The following CDH4 variants were observed in gnomAD, a reference collection of about 807,000 sequenced individuals.
CDH4 encodes cadherin-4.
In CDH4, 33 loss-of-function variants were observed where a neutral mutation model predicts 86.0. The ratio of observed to expected loss-of-function variants is 0.38; its 90% confidence interval spans 0.29 to 0.51. The LOEUF (loss-of-function observed/expected upper bound fraction) is 0.51, where lower values mean the gene tolerates loss of function less well. CDH4 is among the 20% of genes least tolerant of loss of function. The pLI is 0.86. For missense variants in CDH4, 1,114 were observed against 1,307.4 expected (o/e 0.85, Z 2.28); for synonymous variants, 555 against 549.4 (o/e 1.01, Z -0.14).
chr20:61,861,704 C>T (rs1037836594), intron 6 of CDH4, among the ~76,000 whole-genome samples: 8 of 152,208 alleles, frequency 5.3e-5, no homozygotes, highest in Non-Finnish European at 8.8e-5. Flanking sequence ...TCAGTTCTCA[C>T]CACGTTGTCA....
chr20:61,922,128 A>G (rs1776230), intron 9 of CDH4, among the ~76,000 whole-genome samples: 140,936 of 152,236 alleles, frequency 0.93, 65,521 homozygotes, highest in East Asian at 1. Flanking sequence ...TGTTTGGGTC[A>G]TTTCCAGCAT....
intron 2 of CDH4, among the ~76,000 whole-genome samples, chr20:61,301,248 C>G (rs554640178): frequency 6.6e-6 from 1 of 152,352 alleles, no homozygotes; most frequent in South Asian, 2.1e-4. Flanking sequence ...GCGGTAAATG[C>G]CTGAGGGCTG....
intron 15 of CDH4, 30 bp from the exon 16 acceptor site, chr20:61,936,707 G>A (rs768560058): frequency 1.5e-5 from 22 of 1,485,642 alleles, no homozygotes; most frequent in East Asian, 2.6e-5. Flanking sequence ...AACGCGTCCT[G>A]CACCCTAACT....
At chr20:61,808,099 G>A (rs560983069) in intron 4 of CDH4, among the ~76,000 whole-genome samples, 1 of 152,156 alleles carries the variant, frequency 6.6e-6, no homozygotes, top group Admixed American at 6.5e-5. Context: ...GAAGCAGCAT[G>A]GAAATAAATC....
At chr20:61,431,344 CTCTT>C (rs1426103677) in intron 2 of CDH4, among the ~76,000 whole-genome samples, 4 of 145,808 alleles carry the variant, frequency 2.7e-5, no homozygotes, top group African/African-American at 1.1e-4. Context: ...CAAAATTACT[CTCTT>C]TTTTTTGTTG....
chr20:61,685,133 G>A lies in CDH4; in HGVS notation c.170-58430G>A, dbSNP rs539658311. Among the ~76,000 whole-genome samples the A allele has an allele frequency of 1.4e-4, 22 of 152,228 alleles. No homozygotes were observed. The South Asian group carries it at 3.7e-3, about 26-fold the overall frequency. ...CCACAAATACACCTTCTGTCTTTCC[G>A]TCTCTAGATGTGTCTAGTCTGGGTA... On this transcript the variant is annotated intron_variant, in intron 2 of 15. Transcript: ENST00000614565.
At chr20:61,908,250 T>C (rs2054812767) in intron 8 of CDH4, among the ~76,000 whole-genome samples, 1 of 152,226 alleles carries the variant, frequency 6.6e-6, no homozygotes, top group East Asian at 1.9e-4. Context: ...TTAGGAATGC[T>C]GACTCGGCTC....
At chr20:61,418,481 G>T (rs1042706076) in intron 2 of CDH4, among the ~76,000 whole-genome samples, 3 of 152,108 alleles carry the variant, frequency 2.0e-5, no homozygotes, top group Non-Finnish European at 4.4e-5. Context: ...AAAGTGCTGG[G>T]ATTACAGGCT....
intron 2 of CDH4, chr20:61,570,592 G>T (rs559312664): frequency 9.9e-5 from 69 of 695,194 alleles, no homozygotes; most frequent in Non-Finnish European, 1.8e-4. Flanking sequence ...CCATTGCTCT[G>T]CCCTTTAAAG....
At chr20:61,270,413 T>C (rs1461862388) in intron 2 of CDH4, among the ~76,000 whole-genome samples, 2 of 152,240 alleles carry the variant, frequency 1.3e-5, no homozygotes, top group African/African-American at 4.8e-5. Context: ...GTTCTTATAT[T>C]TTAAGATAAA....
At chr20:61,504,703 A>G (rs1275261941) in intron 2 of CDH4, among the ~76,000 whole-genome samples, 3 of 152,226 alleles carry the variant, frequency 2.0e-5, no homozygotes, top group Non-Finnish European at 4.4e-5. Context: ...TTGCAGTGAC[A>G]GCGTCTTTGC....
Position 61,566,875 on chromosome 20 carries a change from G to A in CDH4, c.170-176688G>A, listed in dbSNP as rs75502618. On this transcript the variant is annotated intron_variant, in intron 2 of 15. Coordinates refer to ENST00000614565, the MANE Select transcript of CDH4 (RefSeq NM_001794.5). ...GGGTTTGCGCGGGAGGCTGCCGATG[G>A]CACGCGGCTCACAGATAATGCGGGA... is the stretch of plus-strand genomic sequence containing the variant. Among the ~76,000 whole-genome samples the A allele has an allele frequency of 7.3e-3, 1,114 of 152,174 alleles. 6 individuals carry two copies. Among genetic ancestry groups the A allele is most frequent in the South Asian group, 0.012 (57 of 4,810 alleles).
chr20:61,444,615 C>T (rs2085336328), intron 2 of CDH4, among the ~76,000 whole-genome samples: 1 of 142,996 alleles, frequency 7.0e-6, no homozygotes, highest in Non-Finnish European at 1.5e-5. Context: ...GTGTGTTTCT[C>T]TGTGTGTGTG....
chr20:61,903,540 T>TTAAAAAAAAA (rs386394189), intron 8 of CDH4, among the ~76,000 whole-genome samples: 1 of 90,886 alleles, frequency 1.1e-5, no homozygotes, highest in African/African-American at 4.7e-5. Flanking sequence ...AGAGACTCCA[T>TTAAAAAAAAA]AAAAAAAAAA....
intron 2 of CDH4, among the ~76,000 whole-genome samples, chr20:61,671,574 GTGGATGGATGATGAACGGGTGGA>G (rs1004816334): frequency 2.6e-5 from 4 of 152,170 alleles, no homozygotes; most frequent in Middle Eastern, 3.4e-3. Context: ...TGATAGGTTT[GTGGATGGATGATGAACGGGTGGA>G]TGGATGGATG....
At chr20:61,530,620 C>A (rs1292700196) in intron 2 of CDH4, among the ~76,000 whole-genome samples, 1 of 152,060 alleles carries the variant, frequency 6.6e-6, no homozygotes, top group Non-Finnish European at 1.5e-5. Context: ...GTCGCAGAGG[C>A]CCTCGGAAAA....
At chr20:61,899,430 A>G (rs937374517) in intron 8 of CDH4, among the ~76,000 whole-genome samples, 2 of 152,130 alleles carry the variant, frequency 1.3e-5, no homozygotes, top group African/African-American at 2.4e-5. Context: ...AAATCAGGTT[A>G]ATTTTTTTCT....
chr20:61,272,421 T>G (rs1251416473), intron 2 of CDH4, among the ~76,000 whole-genome samples: 1 of 152,202 alleles, frequency 6.6e-6, no homozygotes, highest in African/African-American at 2.4e-5. Flanking sequence ...TTTTGAAAGG[T>G]GCTTGTTTTG....
intron 4 of CDH4, among the ~76,000 whole-genome samples, chr20:61,804,191 C>T (rs1354871068): frequency 1.3e-5 from 2 of 152,262 alleles, no homozygotes; most frequent in Non-Finnish European, 2.9e-5. Flanking sequence ...GCCGCCCGAA[C>T]TGCTGTGCTG....
Sources: gnomAD v4.1 joint callset for allele counts (sites outside exome capture counted in the v4.1 genomes callset) on GRCh38, gnomAD v4.1.1 for gene constraint, MANE v1.5 for transcripts, NCBI Gene and HGNC (gene_info 2026-07-23, HGNC 2026-07-21) for gene names.